Variants in ZBTB7C observed in about 807,000 individuals in gnomAD.
ZBTB7C encodes the protein zinc finger and BTB domain containing 7C.
A neutral mutation model predicts 25.7 loss-of-function variants in ZBTB7C; 8 were observed. That is an observed-to-expected ratio of 0.31 (90% CI 0.18 to 0.56). The LOEUF (loss-of-function observed/expected upper bound fraction) is 0.56. Ranked by LOEUF, ZBTB7C falls within the 20% of genes least tolerant of loss-of-function variation. The pLI, the probability that ZBTB7C is intolerant of heterozygous loss-of-function variation, is 0.91. For synonymous variants in ZBTB7C, 394 were observed against 369.0 expected (o/e 1.07, Z -0.78); for missense variants, 824 against 855.2 (o/e 0.96, Z 0.46).
chr18:48,390,538 A>G (rs1283589708), intron 1 of ZBTB7C, among the ~76,000 whole-genome samples: 1 of 152,238 alleles, frequency 6.6e-6, no homozygotes. Context: ...CCAAGAGGTA[A>G]CACTTGGAGC....
At position 48,040,964 on chromosome 18, in the gene ZBTB7C, G is replaced by A; in HGVS notation, c.144C>T (p.His48=). Residue 48 remains histidine (H), a synonymous_variant, in exon 4 of 5, where the codon CAC becomes CAT. Coordinates refer to ENST00000590800, the MANE Select transcript of ZBTB7C (RefSeq NM_001318841.2). The part of the protein sequence containing the change: ...LVVQEQEYRT[H]RSVLAACSKY... ...TGCTGCAGGCAGCCAGGACGGAGCG[G>A]TGGGTCCGATACTCCTGCTCCTGCA... The A allele has an allele frequency of 6.2e-7, 1 of 1,614,192 alleles. No individual in the cohort carries two copies. Among genetic ancestry groups the A allele is most frequent in the Non-Finnish European group, 8.5e-7 (1 of 1,180,040 alleles).
chr18:48,158,125 T>C (rs2040892871), intron 3 of ZBTB7C, among the ~76,000 whole-genome samples: 1 of 152,142 alleles, frequency 6.6e-6, no homozygotes, highest in African/African-American at 2.4e-5. Context: ...CTGGACAAGC[T>C]GAGAAGTTAA....
intron 2 of ZBTB7C, among the ~76,000 whole-genome samples, chr18:48,246,962 T>C (rs1568328531): frequency 6.6e-6 from 1 of 152,158 alleles, no homozygotes. Flanking sequence ...CAATGATATA[T>C]ACACTAAAAT....
intron 3 of ZBTB7C, among the ~76,000 whole-genome samples, chr18:48,168,976 G>T (rs181885640): frequency 6.6e-6 from 1 of 152,202 alleles, no homozygotes; most frequent in East Asian, 1.9e-4. Flanking sequence ...AAGTGGCTGA[G>T]GTAAGACACC....
intron 3 of ZBTB7C, among the ~76,000 whole-genome samples, chr18:48,088,888 A>T (rs925445159): frequency 1.9e-4 from 29 of 152,186 alleles, no homozygotes; most frequent in African/African-American, 7.0e-4. Context: ...GGCAGTGGGC[A>T]GGGGGTCAAA....
chr18:48,344,388 C>G (rs1230541881), intron 1 of ZBTB7C, among the ~76,000 whole-genome samples: 1 of 152,204 alleles, frequency 6.6e-6, no homozygotes, highest in East Asian at 1.9e-4. Context: ...CAGGTGGAGT[C>G]AAGATCCTGC....
chr18:48,210,878 C>G (rs562894087), intron 2 of ZBTB7C, among the ~76,000 whole-genome samples: 1 of 152,068 alleles, frequency 6.6e-6, no homozygotes, highest in South Asian at 2.1e-4. Flanking sequence ...AGACAAATGA[C>G]TCAGAATAGC....
intron 1 of ZBTB7C, among the ~76,000 whole-genome samples, chr18:48,338,973 T>C (rs2046527575): frequency 6.6e-6 from 1 of 151,882 alleles, no homozygotes; most frequent in Non-Finnish European, 1.5e-5. Flanking sequence ...CTTTTCATAG[T>C]TCGTCATCTC....
At position 48,040,353 on chromosome 18, in the gene ZBTB7C, G is replaced by A; in HGVS notation, c.755C>T (p.Ala252Val). ...CCAGAGGTGTGGAAAGAAGTCCGGG[G>A]CGAATGGAGACAAGGAGGGTCTCCT... ...PDRRPSLSPF[A>V]PDFFPHLWPG... is the part of the protein sequence containing the mutation. Residue 252 changes from alanine to valine, a missense_variant, in exon 4 of 5, where the codon GCC becomes GTC. Physicochemically the swap from Ala to Val is moderately conservative, Grantham distance 64. Around this residue, in one of 4 missense-constraint regions of ZBTB7C, gnomAD observed 316 missense variants for 299.2 expected, o/e 1.06. Transcript: ENST00000590800. 1 of 1,609,370 alleles carries A rather than the reference G, an allele frequency of 6.2e-7. No individual in the cohort carries two copies. Among genetic ancestry groups the A allele is most frequent in the Non-Finnish European group, 8.5e-7 (1 of 1,177,614 alleles).
chr18:48,110,254 A>G (rs1598895800), intron 3 of ZBTB7C, among the ~76,000 whole-genome samples: 1 of 152,008 alleles, frequency 6.6e-6, no homozygotes, highest in African/African-American at 2.4e-5. Context: ...AGGGTGGCAC[A>G]CCCTCAGTAA....
chr18:48,210,643 G>A (rs2042681120), intron 2 of ZBTB7C, among the ~76,000 whole-genome samples: 1 of 151,652 alleles, frequency 6.6e-6, no homozygotes, highest in Non-Finnish European at 1.5e-5. Context: ...AGATTAAGTG[G>A]TTGTCATGGA....
chr18:48,137,448 A>G (rs998777138), intron 3 of ZBTB7C: 3 of 362,654 alleles, frequency 8.3e-6, no homozygotes, highest in Non-Finnish European at 1.1e-5. Flanking sequence ...ACTTCACAAA[A>G]TGACTTACCA....
chr18:48,306,762 A>C (rs970594630), intron 2 of ZBTB7C, among the ~76,000 whole-genome samples: 13 of 152,204 alleles, frequency 8.5e-5, no homozygotes, highest in African/African-American at 3.1e-4. Context: ...CCCTAGAACG[A>C]TGCCTACCTT....
At chr18:48,399,097 C>T (rs1227129089) in intron 1 of ZBTB7C, among the ~76,000 whole-genome samples, 2 of 152,148 alleles carry the variant, frequency 1.3e-5, no homozygotes, top group African/African-American at 2.4e-5. Flanking sequence ...ATCTCCAAGA[C>T]GTTAAGTGCA....
At chr18:48,058,483 T>C (rs1337992154) in intron 3 of ZBTB7C, among the ~76,000 whole-genome samples, 2 of 152,230 alleles carry the variant, frequency 1.3e-5, no homozygotes, top group Non-Finnish European at 2.9e-5. Flanking sequence ...TTTTCTGCAT[T>C]GGTGCGTGTT....
chr18:48,386,845 T>A (rs2047760672), intron 1 of ZBTB7C, among the ~76,000 whole-genome samples: 5 of 152,326 alleles, frequency 3.3e-5, no homozygotes, highest in African/African-American at 9.6e-5. Context: ...AATTGCGCTT[T>A]CTATCTTCCC....
intron 3 of ZBTB7C, chr18:48,185,494 G>C (rs1269779630): frequency 9.6e-6 from 3 of 313,260 alleles, no homozygotes; most frequent in African/African-American, 6.6e-5. Context: ...TTAATGGATT[G>C]GTTCCTGTGA....
rs140542960 is a variant in ZBTB7C at position 48,310,953 on chromosome 18, G to T, written c.-79+27221C>A. Among the ~76,000 whole-genome samples the T allele has an allele frequency of 7.4e-4, 113 of 152,324 alleles. No homozygotes were observed. The East Asian group carries it at 0.016, about 22-fold the overall frequency. On this transcript the variant is annotated intron_variant, in intron 2 of 4. Coordinates refer to ENST00000590800, the MANE Select transcript of ZBTB7C (RefSeq NM_001318841.2). ...CTGCCCCTCTATGTGACAGATGTGT[G>T]CACATCTTTTCAGCCAATTTGGGCA...
chr18:48,074,315 A>G (rs541399943), intron 3 of ZBTB7C, among the ~76,000 whole-genome samples: 20 of 152,286 alleles, frequency 1.3e-4, no homozygotes, highest in African/African-American at 4.8e-4. Context: ...CGCCCGGCCC[A>G]TTATGACCTT....
Sources: allele counts gnomAD v4.1 joint callset (sites outside exome capture counted in the v4.1 genomes callset), GRCh38; gene constraint gnomAD v4.1.1; regional missense constraint gnomAD v4.1.1; transcripts MANE v1.5; gene names NCBI Gene and HGNC (gene_info 2026-07-23, HGNC 2026-07-21).